Variants in EVC observed in about 807,000 individuals in gnomAD.
EVC encodes evC complex member EVC.
In EVC, 116 loss-of-function variants were observed where a neutral mutation model predicts 118.9. That is an observed-to-expected ratio of 0.98 (90% confidence interval 0.84 to 1.14). EVC has a LOEUF of 1.14. EVC is among the 50% of genes most tolerant of loss of function. The pLI is 0.00. For synonymous variants in EVC, 619 were observed against 534.7 expected (o/e 1.16, Z -2.18); for missense variants, 1,401 against 1,246.4 (o/e 1.12, Z -1.87).
chr4:5,821,946 G>T, the EVC span: 11 of 960,306 alleles, frequency 1.1e-5, no homozygotes, highest in East Asian at 2.6e-4. The surrounding 1 kb of genome is among the most constrained non-coding windows in gnomAD (Gnocchi z 4.4). Flanking sequence ...CACTCCACTG[G>T]ACCCACCTTC....
chr4:5,745,236 C>T lies in EVC; in HGVS notation c.834C>T (p.Val278=), dbSNP rs575589201. Residue 278 remains valine, a synonymous_variant, in exon 7 of 21, where the codon GTC becomes GTT. Coordinates refer to ENST00000264956, the MANE Select transcript of EVC (RefSeq NM_153717.3). ...AGGAACTAGAAAAGGGACTTCAGGTCAAACTGTCAAACACAGAAATGTCGG... is the reference window on the plus strand; with the variant it reads ...AGGAACTAGAAAAGGGACTTCAGGTTAAACTGTCAAACACAGAAATGTCGG... ...DLEELEKGLQ[V]KLSNTEMSGA... is the part of the protein sequence containing the mutation. The T allele has an allele frequency of 8.1e-6, 13 of 1,613,834 alleles. No homozygotes were observed. In the South Asian group the frequency reaches 1.3e-4, roughly 16 times the overall value.
intron 13 of EVC, among the ~76,000 whole-genome samples, chr4:5,794,243 ATATATATTTATATGTATT>A (rs1219533553): frequency 9.0e-4 from 64 of 71,376 alleles, no homozygotes; most frequent in Non-Finnish European, 1.8e-3. Flanking sequence ...ATATATTTAT[ATATATATTTATATGTATT>A]TATATATTTA....
rs576342240 is a variant in EVC, at chr4:5,766,906, A to G, written c.1563+10544A>G. Among the ~76,000 whole-genome samples, 8 of 152,082 alleles carry G rather than the reference A, an allele frequency of 5.3e-5. No individual in the cohort carries two copies. In the East Asian group the frequency reaches 1.4e-3, roughly 26 times the overall value. On this transcript the variant is annotated intron_variant, in intron 11 of 20. Coordinates refer to ENST00000264956, the MANE Select transcript of EVC (RefSeq NM_153717.3). ...TCTGAAGCCTTCTCTCAGCTTGTCAAAGTCATTCTCCATCCAGCTTTGTTC... is the reference window on the plus strand; with the variant it reads ...TCTGAAGCCTTCTCTCAGCTTGTCAGAGTCATTCTCCATCCAGCTTTGTTC...
chr4:5,787,585 C>G (rs1381570731), intron 12 of EVC, among the ~76,000 whole-genome samples: 3 of 152,012 alleles, frequency 2.0e-5, no homozygotes, highest in African/African-American at 7.3e-5. Flanking sequence ...TGCAGACCTG[C>G]CAACCCTCAT....
chr4:5,805,909 TGAA>T (rs1219536404), intron 17 of EVC, among the ~76,000 whole-genome samples: 18 of 148,754 alleles, frequency 1.2e-4, no homozygotes, highest in East Asian at 5.9e-4. Context: ...TTTTTTTTTT[TGAA>T]GGAGTGACAG....
At chr4:5,735,194 C>T (rs1380391014) in intron 5 of EVC, among the ~76,000 whole-genome samples, 3 of 152,200 alleles carry the variant, frequency 2.0e-5, no homozygotes, top group Admixed American at 6.5e-5. Flanking sequence ...ACAAAATAAA[C>T]GGTGGCAGGC....
At chr4:5,795,914 T>G (rs1040498034) in intron 13 of EVC, among the ~76,000 whole-genome samples, 1 of 152,256 alleles carries the variant, frequency 6.6e-6, no homozygotes, top group African/African-American at 2.4e-5. Flanking sequence ...ATTCTCTCCC[T>G]CCTCTCTTTC....
At position 5,783,640 on chromosome 4, in the gene EVC, C is replaced by CG. The variant is rs1735971447; in HGVS notation, c.1654dup (p.Glu552GlyfsTer4). On this transcript the variant is annotated frameshift_variant, in exon 12 of 21. Coordinates refer to ENST00000264956, the MANE Select transcript of EVC (RefSeq NM_153717.3). LOFTEE classifies it high-confidence loss of function. Reference sequence around the variant, plus strand: ...CTCCCTGGCATGACTGGCCTCCCCCCGGAAGAGTGTGACTACTTGAGGCAG... The same window carrying CG: ...CTCCCTGGCATGACTGGCCTCCCCCCGGGAAGAGTGTGACTACTTGAGGCAG... 1.2e-6 allele frequency: 2 copies of CG among 1,614,048 alleles called. No homozygotes were observed. Among genetic ancestry groups the CG allele is most frequent in the African/African-American group, 1.3e-5 (1 of 74,906 alleles).
chr4:5,769,223 A>T (rs1733545702), intron 11 of EVC, among the ~76,000 whole-genome samples: 1 of 152,180 alleles, frequency 6.6e-6, no homozygotes, highest in South Asian at 2.1e-4. Flanking sequence ...AAATGGCAGC[A>T]GGCAAGAGAG....
chr4:5,824,982 C>T, the EVC span: 2 of 985,306 alleles, frequency 2.0e-6, no homozygotes, highest in Non-Finnish European at 2.4e-6. Flanking sequence ...CACTGGATTT[C>T]TTGGGGCTTC....
chr4:5,794,251 T>TTA (rs1373702921), intron 13 of EVC, among the ~76,000 whole-genome samples: 28 of 31,232 alleles, frequency 9.0e-4, no homozygotes, highest in Non-Finnish European at 1.8e-3. Context: ...ATATATATAT[T>TTA]TATATGTATT....
chr4:5,711,986 C>T (rs1485345251), intron 1 of EVC, among the ~76,000 whole-genome samples: 1 of 152,194 alleles, frequency 6.6e-6, no homozygotes, highest in African/African-American at 2.4e-5. Flanking sequence ...CCAGCTGCCA[C>T]ATTGGCATTC....
chr4:5,796,853 G>A (rs934710313), intron 13 of EVC, among the ~76,000 whole-genome samples, 169 bp from the exon 14 acceptor site: 5 of 151,780 alleles, frequency 3.3e-5, no homozygotes, highest in African/African-American at 7.3e-5. Flanking sequence ...AGATGGCGGC[G>A]TGGTGCCCAG....
chr4:5,774,885 G>T (rs1734490120), intron 11 of EVC, among the ~76,000 whole-genome samples: 2 of 152,130 alleles, frequency 1.3e-5, no homozygotes, highest in South Asian at 4.1e-4. Context: ...AGTGACATAT[G>T]CCAGCATTAG....
At chr4:5,792,560 G>GT (rs1712986430) in intron 12 of EVC, among the ~76,000 whole-genome samples, 2 of 152,300 alleles carry the variant, frequency 1.3e-5, no homozygotes, top group South Asian at 2.1e-4. Context: ...CGATCAGACC[G>GT]TAAGTCAGGC....
the EVC span, chr4:5,821,786 G>A: frequency 1.2e-6 from 2 of 1,611,274 alleles, no homozygotes; most frequent in South Asian, 1.1e-5. The surrounding 1 kb of genome is among the most constrained non-coding windows in gnomAD (Gnocchi z 4.4). Context: ...ATGTTGGAGC[G>A]GCCACCAGGG....
Position 5,798,437 on chromosome 4 carries a change from C to T in EVC, c.2098-149C>T. 1.2e-6 allele frequency: 1 copy of T among 801,250 alleles called. No homozygotes were observed. The highest frequency in any genetic ancestry group is 2.1e-6 in the Non-Finnish European group (1 of 474,382). 49.6% of individuals were successfully genotyped at this position (801,250 alleles called of 1,614,324 possible). A position where few individuals can be genotyped will look rare whatever the true frequency, so the allele number is the denominator to read the frequency against. Reference sequence around the variant, plus strand: ...ACCTAACCTCATCCATTGATTTTTGCAAGCCCAGAGGCCACCTCTTTCTGC... The same window carrying T: ...ACCTAACCTCATCCATTGATTTTTGTAAGCCCAGAGGCCACCTCTTTCTGC... On this transcript the variant is annotated intron_variant, in intron 14 of 20. Coordinates refer to ENST00000264956, the MANE Select transcript of EVC (RefSeq NM_153717.3). The surrounding 1 kb of genome is among the most constrained non-coding windows in gnomAD (Gnocchi z 4.1).
chr4:5,720,515 G>T (rs369077684), intron 2 of EVC, among the ~76,000 whole-genome samples: 1 of 143,102 alleles, frequency 7.0e-6, no homozygotes, highest in Non-Finnish European at 1.5e-5. Context: ...ATCCTGTTCC[G>T]CAGCCTTAGC....
In EVC at chr4:5,749,492, T is replaced by C. The variant is rs1730024421; in HGVS notation, c.1098+1186T>C. Among the ~76,000 whole-genome samples, 1 of 152,178 alleles carries C rather than the reference T, an allele frequency of 6.6e-6. No homozygotes were observed. The highest frequency in any genetic ancestry group is 1.5e-5 in the Non-Finnish European group (1 of 68,022). On this transcript the variant is annotated intron_variant, in intron 8 of 20. Transcript: ENST00000264956. The surrounding 1 kb of genome is among the most constrained non-coding windows in gnomAD (Gnocchi z 4.4). ...GACTCTGGGCTCTGTTGTTTGGAGC[T>C]GTGTGATCTTGAACACATTACTTAA...
Sources: allele counts gnomAD v4.1 joint callset (sites outside exome capture counted in the v4.1 genomes callset), GRCh38; gene constraint gnomAD v4.1.1; non-coding constraint Gnocchi (gnomAD v3.1); transcripts MANE v1.5; gene names NCBI Gene and HGNC (gene_info 2026-07-23, HGNC 2026-07-21).